RIT2: variants seen among roughly 807,000 people sequenced by gnomAD.
The protein encoded by RIT2 is Ras like without CAAX 2, also known as GTP-binding protein Rit2.
Under a neutral mutation model 23.7 loss-of-function variants are expected in RIT2, and 24 were observed. That is an observed-to-expected ratio of 1.01 (90% confidence interval 0.73 to 1.43). RIT2 has a LOEUF of 1.43. RIT2 is among the 40% of genes most tolerant of loss of function. The pLI is 0.00. For synonymous variants in RIT2, 107 were observed against 91.1 expected, an observed-to-expected ratio of 1.17 and a Z score of -0.99; for missense variants, 236 against 266.9, an observed-to-expected ratio of 0.88 and a Z score of 0.81.
At chr18:42,880,799 T>A (rs1598697292) in intron 4 of RIT2, among the ~76,000 whole-genome samples, 2 of 137,982 alleles carry the variant, frequency 1.4e-5, no homozygotes, top group African/African-American at 2.8e-5. Flanking sequence ...TTCCTCTTCC[T>A]ACCTCTTTTT....
At chr18:42,994,055 G>A (rs558699422) in intron 2 of RIT2, among the ~76,000 whole-genome samples, 63 of 152,130 alleles carry the variant, frequency 4.1e-4, no homozygotes, top group Non-Finnish European at 6.5e-4. Flanking sequence ...TATCCACCCC[G>A]TGGTGCCAAA....
At chr18:42,851,310 G>A (rs1300418653) in intron 4 of RIT2, among the ~76,000 whole-genome samples, 1 of 152,150 alleles carries the variant, frequency 6.6e-6, no homozygotes, top group Non-Finnish European at 1.5e-5. Context: ...TTGACAATAA[G>A]CCAGTTGTGT....
rs73486743 is a variant in RIT2 at position 42,813,080 on chromosome 18, G to T, written c.427-69360C>A. ...GAAAGTGGCTTTATGGCAAAAGAAAGTATAGAAGAATAGAATTAGTTTTTG... is the reference window on the plus strand; with the variant it reads ...GAAAGTGGCTTTATGGCAAAAGAAATTATAGAAGAATAGAATTAGTTTTTG... On this transcript the variant is annotated intron_variant, in intron 4 of 4. Transcript: ENST00000326695. Among the ~76,000 whole-genome samples the T allele has an allele frequency of 6.0e-3, 916 of 152,254 alleles. 9 individuals are homozygous for T. Among genetic ancestry groups the T allele is most frequent in the African/African-American group, 0.021 (868 of 41,558 alleles).
chr18:42,864,944 T>C lies in RIT2; in HGVS notation c.426+58628A>G, dbSNP rs1174205449. Among the ~76,000 whole-genome samples, 8 of 152,300 alleles carry C rather than the reference T, an allele frequency of 5.3e-5. No individual in the cohort carries two copies. In the South Asian group the frequency reaches 1.2e-3, roughly 24 times the overall value. On this transcript the variant is annotated intron_variant, in intron 4 of 4. Coordinates refer to ENST00000326695, the MANE Select transcript of RIT2 (RefSeq NM_002930.4). ...AAAAGCCCCAACCACCTGCCTTACT[T>C]ACTAAATGGACATTCAGCTGCTCTT...
chr18:42,823,923 G>A (rs558081905), intron 4 of RIT2, among the ~76,000 whole-genome samples: 2 of 152,038 alleles, frequency 1.3e-5, no homozygotes, highest in African/African-American at 4.8e-5. Flanking sequence ...ACAAGCATGT[G>A]TTCAACCTTA....
intron 2 of RIT2, among the ~76,000 whole-genome samples, chr18:42,983,640 T>C (rs1022242342): frequency 1.3e-5 from 2 of 151,794 alleles, no homozygotes; most frequent in Non-Finnish European, 2.9e-5. Flanking sequence ...TAAATAACTC[T>C]CAAAACTCAA....
chr18:42,916,817 GAC>G (rs1233790491), intron 4 of RIT2, among the ~76,000 whole-genome samples: 1 of 152,102 alleles, frequency 6.6e-6, no homozygotes, highest in Non-Finnish European at 1.5e-5. Flanking sequence ...TAGACACTGA[GAC>G]AGAGTCTGAA....
chr18:42,829,608 G>A (rs1352736900), intron 4 of RIT2, among the ~76,000 whole-genome samples: 1 of 151,986 alleles, frequency 6.6e-6, no homozygotes, highest in Non-Finnish European at 1.5e-5. Flanking sequence ...TTGTTAGATG[G>A]GACTCTCTCA....
At chr18:42,816,879 T>C (rs1301550081) in intron 4 of RIT2, among the ~76,000 whole-genome samples, 1 of 152,172 alleles carries the variant, frequency 6.6e-6, no homozygotes, top group Non-Finnish European at 1.5e-5. Flanking sequence ...TAGTTGAAAG[T>C]ATCAGCTAGA....
intron 4 of RIT2, among the ~76,000 whole-genome samples, chr18:42,876,852 T>C (rs1186995003): frequency 2.0e-5 from 3 of 151,920 alleles, no homozygotes; most frequent in Admixed American, 2.0e-4. Flanking sequence ...TATCCCATGG[T>C]ATTAAAATAT....
intron 4 of RIT2, among the ~76,000 whole-genome samples, chr18:42,786,101 C>G (rs1034398641): frequency 1.3e-5 from 2 of 152,012 alleles, no homozygotes; most frequent in Non-Finnish European, 2.9e-5. Flanking sequence ...ATTTTTGGCA[C>G]ATGAGGACAG....
At chr18:42,849,631 T>A (rs1465845864) in intron 4 of RIT2, among the ~76,000 whole-genome samples, 1 of 152,220 alleles carries the variant, frequency 6.6e-6, no homozygotes, top group East Asian at 1.9e-4. Context: ...ATCTTCAAGT[T>A]TGAGAGTGGA....
chr18:42,962,076 G>A (rs1384967806), intron 3 of RIT2, among the ~76,000 whole-genome samples: 4 of 152,188 alleles, frequency 2.6e-5, no homozygotes, highest in South Asian at 2.1e-4. Context: ...AATGTTTAGG[G>A]GTGAAAGCAC....
chr18:42,884,260 G>A (rs1907965584), intron 4 of RIT2, among the ~76,000 whole-genome samples: 2 of 152,144 alleles, frequency 1.3e-5, no homozygotes, highest in Admixed American at 1.3e-4. Flanking sequence ...TGGATTCTCA[G>A]TTGATTTCTC....
At chr18:42,910,573 A>G (rs1300218469) in intron 4 of RIT2, among the ~76,000 whole-genome samples, 1 of 152,126 alleles carries the variant, frequency 6.6e-6, no homozygotes, top group Non-Finnish European at 1.5e-5. Flanking sequence ...GCAGATGAGC[A>G]GAGGAACAGA....
intron 1 of RIT2, among the ~76,000 whole-genome samples, chr18:43,042,113 C>A (rs1912142015): frequency 6.6e-6 from 1 of 152,062 alleles, no homozygotes; most frequent in Non-Finnish European, 1.5e-5. Context: ...GAATTGATGT[C>A]CTGTCAGTGA....
At chr18:43,006,373 A>C (rs1217154115) in intron 2 of RIT2, among the ~76,000 whole-genome samples, 3 of 151,728 alleles carry the variant, frequency 2.0e-5, no homozygotes, top group Non-Finnish European at 2.9e-5. Flanking sequence ...GCAGTAGCAA[A>C]ATGTCCCTGT....
intron 4 of RIT2, among the ~76,000 whole-genome samples, chr18:42,797,465 A>C (rs947876957): frequency 1.3e-5 from 2 of 152,150 alleles, no homozygotes; most frequent in African/African-American, 4.8e-5. Flanking sequence ...AAATCAAATT[A>C]CTCAAGTAAT....
At chr18:43,111,324 G>A (rs886597009) in intron 1 of RIT2, among the ~76,000 whole-genome samples, 2 of 152,132 alleles carry the variant, frequency 1.3e-5, no homozygotes, top group Non-Finnish European at 2.9e-5. Flanking sequence ...AGGGAGTGGA[G>A]ATGGTTAATG....
Sources: allele counts gnomAD v4.1 joint callset (sites outside exome capture counted in the v4.1 genomes callset), GRCh38; gene constraint gnomAD v4.1.1; transcripts MANE v1.5; gene names NCBI Gene and HGNC (gene_info 2026-07-23, HGNC 2026-07-21).